The following ANO2 variants were observed in gnomAD, a reference collection of about 807,000 sequenced individuals.
The protein encoded by ANO2 is anoctamin-2.
Under a neutral mutation model 124.2 loss-of-function variants are expected in ANO2, and 101 were observed. The observed-to-expected ratio is 0.81, with a 90% CI of 0.69 to 0.96. The LOEUF is 0.96. Among genes scored for constraint, ANO2 ranks in the 40% least tolerant of loss-of-function variants. ANO2 has a pLI of 0.00. For synonymous variants in ANO2, 486 were observed against 482.5 expected (o/e 1.01, Z -0.09); for missense variants, 1,293 against 1,274.5 (o/e 1.01, Z -0.22).
chr12:5,792,266 G>A (rs1263254429), intron 10 of ANO2, among the ~76,000 whole-genome samples: 1 of 152,116 alleles, frequency 6.6e-6, no homozygotes, highest in Non-Finnish European at 1.5e-5. Context: ...GTCAGGGTCT[G>A]ATGAACACAT....
intron 1 of ANO2, among the ~76,000 whole-genome samples, chr12:5,937,190 G>A (rs1942685167): frequency 6.6e-6 from 1 of 152,112 alleles, no homozygotes; most frequent in Non-Finnish European, 1.5e-5. Flanking sequence ...GTGTATAAGG[G>A]CTCCTTTTTC....
At chr12:5,766,441 G>A (rs928902270) in intron 10 of ANO2, among the ~76,000 whole-genome samples, 3 of 152,202 alleles carry the variant, frequency 2.0e-5, no homozygotes, top group Non-Finnish European at 4.4e-5. Flanking sequence ...GAAAATGGAA[G>A]CCAGATACCA....
At chr12:5,840,096 C>T (rs7964593) in intron 4 of ANO2, among the ~76,000 whole-genome samples, 87,763 of 151,970 alleles carry the variant, frequency 0.58, 27,980 homozygotes, top group Admixed American at 0.73. Flanking sequence ...TTATTACTGT[C>T]ATTCTTGGAT....
chr12:5,746,185 G>T (rs992938273), intron 11 of ANO2, among the ~76,000 whole-genome samples: 1 of 152,158 alleles, frequency 6.6e-6, no homozygotes, highest in African/African-American at 2.4e-5. Context: ...AATGCTAAAA[G>T]GTCAGGAATG....
intron 15 of ANO2, among the ~76,000 whole-genome samples, chr12:5,646,025 A>C (rs1027691734): frequency 6.6e-6 from 1 of 152,314 alleles, no homozygotes; most frequent in East Asian, 1.9e-4. Context: ...CAGTCTCATA[A>C]GTGGGAAAGG....
At chr12:5,567,879 A>C (rs568334106) in intron 23 of ANO2, among the ~76,000 whole-genome samples, 2 of 152,382 alleles carry the variant, frequency 1.3e-5, no homozygotes, top group African/African-American at 4.8e-5. Flanking sequence ...AGATAGGCTA[A>C]GTGTAGCTCC....
intron 14 of ANO2, among the ~76,000 whole-genome samples, chr12:5,728,392 A>G (rs1380375834): frequency 6.6e-6 from 1 of 152,160 alleles, no homozygotes; most frequent in East Asian, 1.9e-4. Flanking sequence ...CAAGAAAACT[A>G]TATTTTCAAT....
At chr12:5,668,181 C>T (rs555960495) in intron 14 of ANO2, among the ~76,000 whole-genome samples, 3 of 152,292 alleles carry the variant, frequency 2.0e-5, no homozygotes, top group African/African-American at 4.8e-5. Context: ...CAGTGTAAAG[C>T]GTTCCTGTTT....
chr12:5,830,494 A>T lies in ANO2; in HGVS notation c.786-5T>A, dbSNP rs190077260. ...TCCTTTTCCTGGATGTTGTACCTGG[A>T]GACACCAAGAGAGCAGATGGCAAAT... is the stretch of plus-strand genomic sequence containing the variant. On this transcript the variant is annotated splice_region_variant and splice_polypyrimidine_tract_variant and intron_variant, in intron 5 of 24. Transcript: ENST00000682330. 1.9e-6 allele frequency: 3 copies of T among 1,610,276 alleles called. No homozygotes were observed. In the East Asian group the frequency reaches 6.7e-5, roughly 36 times the overall value.
intron 5 of ANO2, 148 bp downstream of exon 5, chr12:5,832,304 C>G: frequency 1.1e-6 from 1 of 886,878 alleles, no homozygotes; most frequent in Non-Finnish European, 1.7e-6. Flanking sequence ...GGCACAGGGA[C>G]AATGTCACCA....
chr12:5,651,944 C>G (rs1044941832), intron 14 of ANO2, among the ~76,000 whole-genome samples: 3 of 152,298 alleles, frequency 2.0e-5, no homozygotes, highest in African/African-American at 7.2e-5. Context: ...GTTTTTATTG[C>G]TGAATAATAT....
chr12:5,891,842 T>A (rs1565754763), intron 3 of ANO2, among the ~76,000 whole-genome samples: 6 of 152,124 alleles, frequency 3.9e-5, no homozygotes, highest in Non-Finnish European at 8.8e-5. Context: ...AAATAGGATT[T>A]AATAAAACCC....
intron 14 of ANO2, among the ~76,000 whole-genome samples, chr12:5,731,725 C>T (rs538218582): frequency 8.5e-5 from 13 of 152,098 alleles, no homozygotes; most frequent in African/African-American, 2.7e-4. Context: ...AGCACAAATT[C>T]TGAAGCTCTG....
At chr12:5,618,017 G>C (rs1288660345) in intron 16 of ANO2, among the ~76,000 whole-genome samples, 1 of 152,194 alleles carries the variant, frequency 6.6e-6, no homozygotes, top group Non-Finnish European at 1.5e-5. Context: ...GAGTAGGATG[G>C]TGAGAATGAG....
intron 9 of ANO2, 138 bp from the exon 10 acceptor site, chr12:5,799,709 G>A: frequency 1.3e-6 from 1 of 749,554 alleles, no homozygotes; most frequent in Non-Finnish European, 2.2e-6. Context: ...AGGGGGAGAT[G>A]TTCAGAATCG....
intron 3 of ANO2, among the ~76,000 whole-genome samples, chr12:5,892,117 T>C (rs987575451): frequency 6.6e-6 from 1 of 151,636 alleles, no homozygotes; most frequent in Non-Finnish European, 1.5e-5. Context: ...ATTTTATAAT[T>C]AAAAAATAAA....
intron 4 of ANO2, among the ~76,000 whole-genome samples, chr12:5,841,674 G>A (rs1403773599): frequency 6.6e-6 from 1 of 152,108 alleles, no homozygotes; most frequent in Non-Finnish European, 1.5e-5. Context: ...GGGCCTGTGG[G>A]CATGTCCTTC....
At chr12:5,726,793 G>C (rs1370010766) in intron 14 of ANO2, among the ~76,000 whole-genome samples, 1 of 152,112 alleles carries the variant, frequency 6.6e-6, no homozygotes, top group Non-Finnish European at 1.5e-5. Context: ...ATAAATAAGA[G>C]ACAGTCCAAT....
chr12:5,929,945 C>G (rs1278727060), intron 1 of ANO2, among the ~76,000 whole-genome samples: 3 of 147,642 alleles, frequency 2.0e-5, no homozygotes, highest in African/African-American at 7.8e-5. Context: ...CGTCTGCCTT[C>G]TTTCCTTATT....
Sources: gnomAD v4.1 joint callset for allele counts (sites outside exome capture counted in the v4.1 genomes callset) on GRCh38, gnomAD v4.1.1 for gene constraint, MANE v1.5 for transcripts, NCBI Gene and HGNC (gene_info 2026-07-23, HGNC 2026-07-21) for gene names.